The following FNIP2 variants were observed in gnomAD, a reference collection of about 807,000 sequenced individuals.
FNIP2 encodes the protein folliculin interacting protein 2.
In FNIP2, 32 loss-of-function variants were observed where a neutral mutation model predicts 108.7. That is an observed-to-expected ratio of 0.29 (90% CI 0.22 to 0.40). The LOEUF is 0.40. FNIP2 is among the 10% of genes least tolerant of loss of function. The pLI is 1.00. For synonymous variants in FNIP2, 480 were observed against 496.7 expected (o/e 0.97, Z 0.45); for missense variants, 1,202 against 1,381.6 (o/e 0.87, Z 2.06).
intron 1 of FNIP2, among the ~76,000 whole-genome samples, chr4:158,803,359 G>T (rs1011539358): frequency 6.6e-6 from 1 of 152,134 alleles, no homozygotes; most frequent in African/African-American, 2.4e-5. Flanking sequence ...ACCTCTCTAA[G>T]TGTGTAATTA....
chr4:158,860,765 T>TC (rs1780241550), intron 10 of FNIP2, among the ~76,000 whole-genome samples: 1 of 151,332 alleles, frequency 6.6e-6, no homozygotes, highest in African/African-American at 2.4e-5. Context: ...CAAGCGATTC[T>TC]CCTGCCTCAG....
chr4:158,887,925 G>T (rs1420807065), intron 14 of FNIP2, among the ~76,000 whole-genome samples: 3 of 152,046 alleles, frequency 2.0e-5, no homozygotes, highest in Non-Finnish European at 2.9e-5. Flanking sequence ...GTCTCTAATG[G>T]GGTTGAGTTT....
intron 1 of FNIP2, among the ~76,000 whole-genome samples, chr4:158,814,854 T>G (rs1260554132): frequency 2.0e-5 from 3 of 152,188 alleles, no homozygotes; most frequent in Non-Finnish European, 4.4e-5. Context: ...ACCCACTGCC[T>G]CATGCTTTAG....
intron 16 of FNIP2, among the ~76,000 whole-genome samples, chr4:158,903,022 C>T (rs559696604): frequency 7.2e-5 from 11 of 152,282 alleles, no homozygotes; most frequent in Non-Finnish European, 1.3e-4. Flanking sequence ...TTCCGGGTGC[C>T]ACTGAGGTAT....
chr4:158,873,158 AG>A (rs1781056952), intron 14 of FNIP2, among the ~76,000 whole-genome samples: 5 of 145,734 alleles, frequency 3.4e-5, no homozygotes, highest in Admixed American at 1.3e-4. Context: ...AAAAAAAAAA[AG>A]AAAAAACAAA....
chr4:158,772,376 C>A (rs1775725349), intron 1 of FNIP2, among the ~76,000 whole-genome samples: 1 of 152,166 alleles, frequency 6.6e-6, no homozygotes, highest in Non-Finnish European at 1.5e-5. Context: ...GAAGCATTAT[C>A]TTAAGGTTGT....
chr4:158,801,883 A>G (rs567202884), intron 1 of FNIP2, among the ~76,000 whole-genome samples: 4 of 152,292 alleles, frequency 2.6e-5, no homozygotes, highest in Non-Finnish European at 4.4e-5. Flanking sequence ...GGAACTATCC[A>G]TGGTCATGTT....
At position 158,832,138 on chromosome 4, in the gene FNIP2, A is replaced by G; in HGVS notation, c.554A>G (p.Asn185Ser). The change falls in exon 5 of 17, where the codon AAC (asparagine) becomes AGC (serine). Residue 185 changes from asparagine (N) to serine (S), a missense_variant and splice_region_variant. By Grantham distance (46) the Asn-to-Ser change is conservative (BLOSUM62 1). Around this residue, in one of 5 missense-constraint regions of FNIP2, gnomAD observed 878 missense variants for 990.3 expected, o/e 0.89. Coordinates refer to ENST00000264433, the MANE Select transcript of FNIP2 (RefSeq NM_020840.3). The part of the protein sequence containing the change: ...RMGSFCGSTN[N>S]LQDSFEYINQ... Reference sequence around the variant, plus strand: ...GGCAGCTTCTGTGGAAGTACAAATAAGTAAGTGTAGGATTTTGCATTCCCC... The same window carrying G: ...GGCAGCTTCTGTGGAAGTACAAATAGGTAAGTGTAGGATTTTGCATTCCCC... The G allele has an allele frequency of 1.2e-6, 2 of 1,612,712 alleles. No homozygotes were observed. The highest frequency in any genetic ancestry group is 1.7e-6 in the Non-Finnish European group (2 of 1,178,844).
At chr4:158,856,052 C>A (rs1197388985) in intron 8 of FNIP2, among the ~76,000 whole-genome samples, 1 of 152,164 alleles carries the variant, frequency 6.6e-6, no homozygotes, top group African/African-American at 2.4e-5. Context: ...GACCTCAGAG[C>A]CCCCTGCTGT....
chr4:158,890,250 G>A (rs1486606962), intron 14 of FNIP2: 2 of 984,516 alleles, frequency 2.0e-6, no homozygotes, highest in East Asian at 2.3e-4. Context: ...CTGATAATAG[G>A]GTTTATATCT....
intron 1 of FNIP2, among the ~76,000 whole-genome samples, chr4:158,808,316 T>C (rs1311682534): frequency 6.6e-6 from 1 of 152,220 alleles, no homozygotes; most frequent in Non-Finnish European, 1.5e-5. Flanking sequence ...ATTTTTGATA[T>C]GAGCTGCTGC....
At chr4:158,833,483 C>T (rs375219966) in intron 5 of FNIP2, 45 bp from the exon 6 acceptor site, 21 of 1,228,520 alleles carry the variant, frequency 1.7e-5, no homozygotes, top group East Asian at 9.3e-5. Flanking sequence ...AGCTTCTTGA[C>T]GTTTTTGTCC....
chr4:158,873,956 C>T (rs575738589), intron 14 of FNIP2, among the ~76,000 whole-genome samples: 1 of 152,330 alleles, frequency 6.6e-6, no homozygotes, highest in Admixed American at 6.5e-5. Context: ...TTTCCCTCTC[C>T]TTTTTCCTCT....
chr4:158,831,609 T>G (rs1778485840), intron 3 of FNIP2, among the ~76,000 whole-genome samples: 1 of 152,154 alleles, frequency 6.6e-6, no homozygotes, highest in Non-Finnish European at 1.5e-5. Context: ...CAAATAAAAA[T>G]GAACTCTAAT....
At chr4:158,834,843 T>G (rs1180341919) in intron 6 of FNIP2, 2 of 153,882 alleles carry the variant, frequency 1.3e-5, no homozygotes, top group Admixed American at 6.5e-5. Flanking sequence ...ATACTGTGTA[T>G]GGGTGTATAT....
At chr4:158,848,032 C>T (rs893716687) in intron 7 of FNIP2, among the ~76,000 whole-genome samples, 1 of 152,184 alleles carries the variant, frequency 6.6e-6, no homozygotes, top group Non-Finnish European at 1.5e-5. Context: ...GGCATTGGCT[C>T]ACAGCATCTC....
intron 8 of FNIP2, among the ~76,000 whole-genome samples, chr4:158,858,599 T>C (rs1431227113): frequency 6.6e-6 from 1 of 152,184 alleles, no homozygotes; most frequent in Non-Finnish European, 1.5e-5. Flanking sequence ...CTTGATCTAG[T>C]AGTTTTAATA....
At chr4:158,862,818 C>T (rs1179020275) in intron 12 of FNIP2, among the ~76,000 whole-genome samples, 3 of 152,018 alleles carry the variant, frequency 2.0e-5, no homozygotes, top group African/African-American at 7.2e-5. Flanking sequence ...TTGAAAAAAA[C>T]TTAGTCTCAT....
intron 1 of FNIP2, among the ~76,000 whole-genome samples, chr4:158,785,803 A>G (rs1210562739): frequency 1.3e-5 from 2 of 152,018 alleles, no homozygotes; most frequent in East Asian, 3.9e-4. Context: ...ACTGCCAAGA[A>G]ATGTATGGGG....
Sources: allele counts gnomAD v4.1 joint callset (sites outside exome capture counted in the v4.1 genomes callset), GRCh38; gene constraint gnomAD v4.1.1; regional missense constraint gnomAD v4.1.1; transcripts MANE v1.5; gene names NCBI Gene and HGNC (gene_info 2026-07-23, HGNC 2026-07-21).